The following BRCA2 variants were observed in gnomAD, a reference collection of about 807,000 sequenced individuals.
BRCA2 encodes breast cancer type 2 susceptibility protein.
A neutral mutation model predicts 276.7 loss-of-function variants in BRCA2; 203 were observed. The observed-to-expected ratio is 0.73, with a 90% CI of 0.65 to 0.82. The LOEUF is 0.82. BRCA2 is among the 40% of genes least tolerant of loss of function. The pLI is 0.00. For synonymous variants in BRCA2, 1,289 were observed against 1,338.4 expected (o/e 0.96, Z 0.81); for missense variants, 3,920 against 3,915.0 (o/e 1.00, Z -0.03).
chr13:32,365,745 CT>C (rs997688404), intron 18 of BRCA2, among the ~76,000 whole-genome samples: 7 of 77,974 alleles, frequency 9.0e-5, no homozygotes, highest in East Asian at 7.2e-4. Flanking sequence ...TTTTTTTTAA[CT>C]TTTTTTTTTC....
intron 13 of BRCA2, among the ~76,000 whole-genome samples, chr13:32,353,725 T>C (rs946460245): frequency 1.3e-5 from 2 of 152,214 alleles, no homozygotes; most frequent in Non-Finnish European, 2.9e-5. Context: ...GGCGAACGGA[T>C]AACTAAAGGA....
Position 32,340,328 on chromosome 13 carries a change from T to G in BRCA2, c.5973T>G (p.Ala1991=), listed in dbSNP as rs876660687. The G allele has an allele frequency of 2.5e-6, 4 of 1,613,934 alleles. No individual in the cohort carries two copies. The African/African-American group carries it at 5.3e-5, about 22-fold the overall frequency. Residue 1991 remains alanine, a synonymous_variant, in exon 11 of 27, where the codon GCT becomes GCG. Transcript: ENST00000380152. The part of the protein sequence containing the change: ...ASGKSVQVSD[A]SLQNARQVFS... ...GAAAATCTGTCCAGGTATCAGATGC[T>G]TCATTACAAAACGCAAGACAAGTGT...
At chr13:32,368,159 A>G (rs986366935) in intron 18 of BRCA2, among the ~76,000 whole-genome samples, 3 of 151,554 alleles carry the variant, frequency 2.0e-5, no homozygotes, top group South Asian at 2.1e-4. Flanking sequence ...AGCTGGGATT[A>G]TAGGCACCCA....
chr13:32,395,806 G>C (rs934027823), intron 25 of BRCA2, among the ~76,000 whole-genome samples: 1 of 151,930 alleles, frequency 6.6e-6, no homozygotes, highest in Non-Finnish European at 1.5e-5. Context: ...TATAAAGAAA[G>C]CTGTGTTGAC....
In BRCA2 at chr13:32,339,102, A is replaced by T. The variant is rs56072130; in HGVS notation, c.4747A>T (p.Ile1583Phe). 1.2e-6 allele frequency: 2 copies of T among 1,614,038 alleles called. No individual in the cohort carries two copies. The highest frequency in any genetic ancestry group is 1.7e-6 in the Non-Finnish European group (2 of 1,179,940). ...CKDLELACET[I>F]EITAAPKCKE... ...AGACCTTGAATTAGCATGTGAGACC[A>T]TTGAGATCACAGCTGCCCCAAAGTG... Residue 1583 changes from isoleucine to phenylalanine, a missense_variant, in exon 11 of 27, where the codon ATT (isoleucine) becomes TTT (phenylalanine). Physicochemically the swap from Ile to Phe is conservative, Grantham distance 21 (BLOSUM62 0). Around this residue, in one of 2 missense-constraint regions of BRCA2, gnomAD observed 3,263 missense variants for 3,156.9 expected, o/e 1.03. Coordinates refer to ENST00000380152, the MANE Select transcript of BRCA2 (RefSeq NM_000059.4).
At chr13:32,321,322 C>G (rs1016193903) in intron 3 of BRCA2, among the ~76,000 whole-genome samples, 1 of 152,138 alleles carries the variant, frequency 6.6e-6, no homozygotes, top group Non-Finnish European at 1.5e-5. Flanking sequence ...AGTACTCAGT[C>G]TCGTAAGCAC....
Position 32,332,335 on chromosome 13 carries a change from C to A in BRCA2, c.857C>A (p.Ser286Ter), listed in dbSNP as rs1131692035. 2 of 1,600,890 alleles carry A rather than the reference C, an allele frequency of 1.2e-6. No homozygotes were observed. The highest frequency in any genetic ancestry group is 1.1e-5 in the South Asian group (1 of 87,986). The change falls in exon 10 of 27, where the codon TCA (serine) becomes TAA (stop). Residue 286 changes from serine to a stop codon, truncating the protein, a stop_gained. Coordinates refer to ENST00000380152, the MANE Select transcript of BRCA2 (RefSeq NM_000059.4). LOFTEE classifies it high-confidence loss of function. ...AGCTGCAAAGACCACATTGGAAAGT[C>A]AATGCCAAATGTCCTAGAAGATGAA... The part of the protein sequence containing the change: ...VNSCKDHIGK[S>*]MPNVLEDEVY...
chr13:32,397,010 CTCAAA>C lies in BRCA2; in HGVS notation c.9618_9622del (p.Gln3206HisfsTer14). 6.2e-7 allele frequency: 1 copy of C among 1,614,052 alleles called. No homozygotes were observed. The highest frequency in any genetic ancestry group is 8.5e-7 in the Non-Finnish European group (1 of 1,179,976). ...GACTGTACTTCAGGGCCGTACACTGCTCAAATCATTCCTGGTACAGGAAACAAGCT... is the reference window on the plus strand; with the variant it reads ...GACTGTACTTCAGGGCCGTACACTGCTCATTCCTGGTACAGGAAACAAGCT... On this transcript the variant is annotated frameshift_variant, in exon 26 of 27. Transcript: ENST00000380152. LOFTEE classifies it low-confidence loss of function (END_TRUNC).
At chr13:32,384,248 G>A (rs2072943832) in intron 24 of BRCA2, among the ~76,000 whole-genome samples, 1 of 152,292 alleles carries the variant, frequency 6.6e-6, no homozygotes, top group Non-Finnish European at 1.5e-5. Flanking sequence ...CAACTGTACA[G>A]GCAGACAAGA....
At chr13:32,398,126 T>A in intron 26 of BRCA2, 36 bp from the exon 27 acceptor site, 1 of 1,577,448 alleles carries the variant, frequency 6.3e-7, no homozygotes, top group Non-Finnish European at 8.6e-7. Context: ...TGTTACTACA[T>A]AATTATGATA....
intron 12 of BRCA2, among the ~76,000 whole-genome samples, chr13:32,345,666 A>T (rs900744787): frequency 1.3e-5 from 2 of 152,078 alleles, no homozygotes; most frequent in African/African-American, 4.8e-5. Context: ...ATGCTTGCAT[A>T]TACAATACAT....
At chr13:32,374,892 C>T (rs1487764321) in intron 20 of BRCA2, among the ~76,000 whole-genome samples, 3 of 152,298 alleles carry the variant, frequency 2.0e-5, no homozygotes, top group East Asian at 3.9e-4. Context: ...ATTAGTTCAT[C>T]CTCATACTGC....
intron 3 of BRCA2, among the ~76,000 whole-genome samples, chr13:32,323,811 A>G (rs1465280419): frequency 6.6e-6 from 1 of 152,238 alleles, no homozygotes; most frequent in South Asian, 2.1e-4. Context: ...TGTAGTTACC[A>G]TCAACTATTG....
intron 11 of BRCA2, among the ~76,000 whole-genome samples, chr13:32,343,654 A>G (rs2072589353): frequency 6.6e-6 from 1 of 152,170 alleles, no homozygotes; most frequent in African/African-American, 2.4e-5. Context: ...GGCTTTATTT[A>G]TAGCAACCCA....
rs2137668678 is a variant in BRCA2 at position 32,398,845 on chromosome 13, C to T, written c.*75C>T. On this transcript the variant is annotated 3_prime_UTR_variant, in exon 27 of 27. Coordinates refer to ENST00000380152, the MANE Select transcript of BRCA2 (RefSeq NM_000059.4). ...ATAAGACTGGAATATAATTTCAAAC[C>T]ACACATTAGTACTTATGTTGCACAA... The T allele has an allele frequency of 6.5e-7, 1 of 1,537,274 alleles. No individual in the cohort carries two copies. Among genetic ancestry groups the T allele is most frequent in the South Asian group, 1.2e-5 (1 of 84,666 alleles).
At chr13:32,380,534 C>T (rs1269605830) in intron 24 of BRCA2, among the ~76,000 whole-genome samples, 3 of 101,724 alleles carry the variant, frequency 2.9e-5, no homozygotes, top group African/African-American at 3.8e-5. Flanking sequence ...CAGAGTCAAG[C>T]TTTTTTTTTT....
At position 32,354,749 on chromosome 13, in the gene BRCA2, G is replaced by C. The variant is rs908499885; in HGVS notation, c.7008-112G>C. 5.0e-6 allele frequency: 4 copies of C among 797,370 alleles called. No homozygotes were observed. In the Admixed American group the frequency reaches 9.2e-5, roughly 18 times the overall value. The allele number at this position is 797,370 out of a possible 1,614,324, so 49.4% of individuals were successfully genotyped here. On this transcript the variant is annotated intron_variant, in intron 13 of 26. Coordinates refer to ENST00000380152, the MANE Select transcript of BRCA2 (RefSeq NM_000059.4). ...TGGCAACCATGGTGAATACAAAACA[G>C]TTACCAGAATAGTATCACCATGTAG...
At position 32,340,433 on chromosome 13, in the gene BRCA2, A is replaced by C; in HGVS notation, c.6078A>C (p.Thr2026=). The C allele has an allele frequency of 6.2e-7, 1 of 1,613,864 alleles. No homozygotes were observed. Among genetic ancestry groups the C allele is most frequent in the East Asian group, 2.2e-5 (1 of 44,836 alleles). ...FKSNEHSDQL[T]REENTAIRTP... The stretch of plus-strand genomic sequence containing the variant: ...GTAACGAACATTCAGACCAGCTCAC[A>C]AGAGAAGAAAATACTGCTATACGTA... Residue 2026 remains threonine (T), a synonymous_variant, in exon 11 of 27, where the codon ACA becomes ACC. Coordinates refer to ENST00000380152, the MANE Select transcript of BRCA2 (RefSeq NM_000059.4).
intron 3 of BRCA2, 56 bp downstream of exon 3, chr13:32,319,381 A>G (rs2138706228): frequency 1.3e-6 from 2 of 1,510,314 alleles, no homozygotes; most frequent in Admixed American, 3.6e-5. Context: ...ATTTAGGCAA[A>G]CCTGTGTTAA....
Sources: allele counts gnomAD v4.1 joint callset (sites outside exome capture counted in the v4.1 genomes callset), GRCh38; gene constraint gnomAD v4.1.1; regional missense constraint gnomAD v4.1.1; transcripts MANE v1.5; gene names NCBI Gene and HGNC (gene_info 2026-07-23, HGNC 2026-07-21).